The following NXPE2 variants were observed in gnomAD, a reference collection of about 807,000 sequenced individuals.
The protein encoded by NXPE2 is NXPE family member 2.
NXPE2 carries 34 observed loss-of-function variants against 34.4 expected under a neutral mutation model. That is an observed-to-expected ratio of 0.99 (90% confidence interval 0.75 to 1.31). NXPE2 has a LOEUF of 1.31. Among genes scored for constraint, NXPE2 ranks in the 40% most tolerant of loss-of-function variants. The probability of loss-of-function intolerance (pLI) is 0.00; values close to 1 mark genes in which losing one functional copy is unlikely to be tolerated. For synonymous variants in NXPE2, 235 were observed against 231.3 expected, an observed-to-expected ratio of 1.02 and a Z score of -0.15; for missense variants, 649 against 672.5, an observed-to-expected ratio of 0.97 and a Z score of 0.39.
chr11:114,730,785 A>G, the NXPE2 span, among the ~76,000 whole-genome samples: 1 of 152,154 alleles, frequency 6.6e-6, no homozygotes, highest in African/African-American at 2.4e-5. Flanking sequence ...ATTAGTTCCA[A>G]GAGCCTTCTG....
chr11:114,633,566 A>T, the NXPE2 span, among the ~76,000 whole-genome samples: 1 of 151,098 alleles, frequency 6.6e-6, no homozygotes, highest in African/African-American at 2.4e-5. Flanking sequence ...GCACCCATTG[A>T]CTCGTCATTT....
the NXPE2 span, among the ~76,000 whole-genome samples, chr11:114,623,037 C>T: frequency 6.6e-6 from 1 of 151,998 alleles, no homozygotes; most frequent in Non-Finnish European, 1.5e-5. Context: ...CCCCTGTTAC[C>T]CGGTGGATAA....
At chr11:114,471,385 A>G in the NXPE2 span, among the ~76,000 whole-genome samples, 3 of 152,192 alleles carry the variant, frequency 2.0e-5, no homozygotes, top group Non-Finnish European at 4.4e-5. Context: ...TTGAAAAACA[A>G]TAGTAGTTTT....
chr11:114,714,066 A>G, the NXPE2 span, among the ~76,000 whole-genome samples: 1 of 152,220 alleles, frequency 6.6e-6, no homozygotes, highest in East Asian at 1.9e-4. Flanking sequence ...ATTATGTGCT[A>G]TTGACAGTAT....
At chr11:114,533,230 A>T in the NXPE2 span, among the ~76,000 whole-genome samples, 1 of 152,238 alleles carries the variant, frequency 6.6e-6, no homozygotes, top group Admixed American at 6.5e-5. Flanking sequence ...TAGTATTAAG[A>T]TAGCAAGAAG....
the NXPE2 span, among the ~76,000 whole-genome samples, chr11:114,798,835 CTG>C: frequency 1.3e-5 from 2 of 152,314 alleles, no homozygotes; most frequent in Admixed American, 1.3e-4. Context: ...CCTGTCTTGA[CTG>C]TGTCCATCTC....
chr11:114,721,055 G>T, the NXPE2 span, among the ~76,000 whole-genome samples: 1 of 152,028 alleles, frequency 6.6e-6, no homozygotes, highest in South Asian at 2.1e-4. Context: ...GAAATCCCCT[G>T]CTCCTGCCCC....
chr11:114,779,491 C>T, the NXPE2 span, among the ~76,000 whole-genome samples: 50 of 152,056 alleles, frequency 3.3e-4, no homozygotes, highest in Non-Finnish European at 6.2e-4. Flanking sequence ...GCGGGGAGAT[C>T]GGAAGAGCCG....
the NXPE2 span, among the ~76,000 whole-genome samples, chr11:114,752,912 C>T: frequency 1.3e-5 from 2 of 152,116 alleles, no homozygotes; most frequent in African/African-American, 4.8e-5. Flanking sequence ...ATAAGAAGAC[C>T]AAGGAAGACA....
At chr11:114,549,748 A>G in the NXPE2 span, among the ~76,000 whole-genome samples, 1 of 152,128 alleles carries the variant, frequency 6.6e-6, no homozygotes, top group Non-Finnish European at 1.5e-5. Flanking sequence ...GAGAAGAGAA[A>G]GCAATTCGAG....
chr11:114,663,816 G>T, the NXPE2 span, among the ~76,000 whole-genome samples: 5 of 152,004 alleles, frequency 3.3e-5, no homozygotes, highest in Non-Finnish European at 7.4e-5. Context: ...TATGGAGATG[G>T]ATCATCCAGA....
At chr11:114,727,246 T>C in the NXPE2 span, among the ~76,000 whole-genome samples, 1 of 152,076 alleles carries the variant, frequency 6.6e-6, no homozygotes, top group Non-Finnish European at 1.5e-5. Flanking sequence ...AAGTCTGAGA[T>C]CAGGGTGTCA....
At chr11:114,652,362 A>G in the NXPE2 span, among the ~76,000 whole-genome samples, 1 of 152,196 alleles carries the variant, frequency 6.6e-6, no homozygotes, top group South Asian at 2.1e-4. Context: ...CCTGTGCCTA[A>G]GCTTGAAACT....
chr11:114,632,686 A>G, the NXPE2 span, among the ~76,000 whole-genome samples: 17 of 58,110 alleles, frequency 2.9e-4, no homozygotes, highest in African/African-American at 1.7e-3. Context: ...TTATATATAT[A>G]AATTTATATA....
At chr11:114,641,483 C>G in the NXPE2 span, among the ~76,000 whole-genome samples, 2 of 152,002 alleles carry the variant, frequency 1.3e-5, no homozygotes, top group Admixed American at 1.3e-4. Flanking sequence ...TACTTTATAT[C>G]AAACATTAGG....
intron 2 of NXPE2, among the ~76,000 whole-genome samples, chr11:114,689,246 A>C (rs1036600368): frequency 2.6e-5 from 4 of 152,030 alleles, no homozygotes; most frequent in Non-Finnish European, 5.9e-5. Flanking sequence ...TCCTAGTGAC[A>C]CTAGCTTTGT....
the NXPE2 span, among the ~76,000 whole-genome samples, chr11:114,647,113 A>G: frequency 1.3e-5 from 2 of 152,218 alleles, no homozygotes; most frequent in East Asian, 1.9e-4. Context: ...ATGAGCCCTC[A>G]TAAGTTGAAA....
chr11:114,703,726 C>T (rs998382714), intron 3 of NXPE2, among the ~76,000 whole-genome samples: 80 of 151,290 alleles, frequency 5.3e-4, no homozygotes, highest in African/African-American at 1.7e-3. Context: ...GACAGACAGA[C>T]AGATAGATAG....
the NXPE2 span, among the ~76,000 whole-genome samples, chr11:114,564,230 T>C: frequency 1.3e-5 from 2 of 152,160 alleles, no homozygotes; most frequent in Non-Finnish European, 2.9e-5. Flanking sequence ...ATATCATATG[T>C]TCTCACTCAT....
Sources: gnomAD v4.1 joint callset for allele counts (sites outside exome capture counted in the v4.1 genomes callset) on GRCh38, gnomAD v4.1.1 for gene constraint, MANE v1.5 for transcripts, NCBI Gene and HGNC (gene_info 2026-07-23, HGNC 2026-07-21) for gene names.